PALB2: variants seen among roughly 807,000 people sequenced by gnomAD.
The protein encoded by PALB2 is partner and localizer of BRCA2.
Under a neutral mutation model 107.4 loss-of-function variants are expected in PALB2, and 82 were observed. That is an observed-to-expected ratio of 0.76 (90% confidence interval 0.64 to 0.92). The LOEUF is 0.92. Ranked by LOEUF, PALB2 falls within the 40% of genes least tolerant of loss-of-function variation. PALB2 has a pLI of 0.00. For missense variants in PALB2, 1,374 were observed against 1,379.9 expected (o/e 1.00, Z 0.07); for synonymous variants, 489 against 496.8 (o/e 0.98, Z 0.21).
chr16:23,607,468 T>TA (rs1300986817), intron 12 of PALB2: 9 of 259,090 alleles, frequency 3.5e-5, no homozygotes, highest in African/African-American at 1.3e-4. Flanking sequence ...TATATATATA[T>TA]TTTTTTTGGT....
At chr16:23,626,691 G>A (rs373891008) in intron 6 of PALB2, among the ~76,000 whole-genome samples, 168 of 151,970 alleles carry the variant, frequency 1.1e-3, no homozygotes, top group Non-Finnish European at 1.6e-3. Flanking sequence ...GTGCAATCTC[G>A]GCTTACTGCA....
rs1567217583 is a variant in PALB2, at chr16:23,629,822, T to C, written c.2332A>G (p.Ser778Gly). The change falls in exon 5 of 13, where the codon AGT becomes GGT. Residue 778 changes from serine to glycine, a missense_variant. Transcript: ENST00000261584. ...CLASDTKQFD[S>G]SGSPAKPHTT... is the part of the protein sequence containing the mutation. Reference sequence around the variant, plus strand: ...TGTGGTTTTGCTGGGCTGCCTGAACTGTCGAATTGTTTAGTATCACTGGCA... The same window carrying C: ...TGTGGTTTTGCTGGGCTGCCTGAACCGTCGAATTGTTTAGTATCACTGGCA... 1 of 1,614,222 alleles carries C rather than the reference T, an allele frequency of 6.2e-7. No homozygotes were observed. The highest frequency in any genetic ancestry group is 8.5e-7 in the Non-Finnish European group (1 of 1,180,042).
intron 9 of PALB2, among the ~76,000 whole-genome samples, chr16:23,622,596 A>C (rs1966791671): frequency 6.6e-6 from 1 of 152,282 alleles, no homozygotes; most frequent in African/African-American, 2.4e-5. Context: ...GGGCCCTGCT[A>C]TGTGGCCCCA....
chr16:23,614,145 C>T, intron 10 of PALB2, 54 bp from the exon 11 acceptor site: 1 of 1,306,074 alleles, frequency 7.7e-7, no homozygotes, highest in Non-Finnish European at 1.1e-6. Flanking sequence ...AACCAGTTTT[C>T]AGAAAATATT....
rs769240800 is a variant in PALB2, at chr16:23,638,116, A to C, written c.62T>G (p.Leu21Ter). ...CEEKEKLKEK[L>*]AFLKREYSKT... ...GCTGTATTCCCTTTTCAAGAATGCT[A>C]ATTTCTCCTTTAACTGGAAGAAGAA... The change falls in exon 2 of 13, where the codon TTA becomes TGA. Residue 21 changes from leucine (L) to a stop codon, truncating the protein, a stop_gained. Coordinates refer to ENST00000261584, the MANE Select transcript of PALB2 (RefSeq NM_024675.4). LOFTEE classifies it high-confidence loss of function. 2 of 1,613,928 alleles carry C rather than the reference A, an allele frequency of 1.2e-6. No individual in the cohort carries two copies. The highest frequency in any genetic ancestry group is 3.3e-5 in the Admixed American group (2 of 60,014).
intron 11 of PALB2, among the ~76,000 whole-genome samples, chr16:23,609,971 C>A (rs913083046): frequency 2.0e-5 from 3 of 152,152 alleles, no homozygotes; most frequent in Non-Finnish European, 4.4e-5. Flanking sequence ...AGCCACCATG[C>A]CTGGCCCCAG....
chr16:23,633,411 GAC>G (rs1567219968), intron 4 of PALB2, among the ~76,000 whole-genome samples: 1 of 152,216 alleles, frequency 6.6e-6, no homozygotes, highest in Admixed American at 6.5e-5. Flanking sequence ...AGTTGAGACA[GAC>G]AGAACACAAA....
rs749443090 is a variant in PALB2, at chr16:23,637,855, T to G, written c.206A>C (p.His69Pro). Residue 69 changes from histidine to proline, a missense_variant, in exon 3 of 13, where the codon CAC (histidine) becomes CCC (proline). His to Pro is a moderately conservative substitution (Grantham distance 77). Transcript: ENST00000261584. ...SQQDLSPQLKHSEPKNKICVY... is the reference protein window; with the variant it reads ...SQQDLSPQLKPSEPKNKICVY... ...AGTGAATGGTCTAGATTTACCTGAG[T>G]GTTTTAGCTGCGGTGAGAGATCCTG... The G allele has an allele frequency of 2.5e-6, 4 of 1,608,952 alleles. No homozygotes were observed. Among genetic ancestry groups the G allele is most frequent in the Non-Finnish European group, 2.6e-6 (3 of 1,175,324 alleles).
chr16:23,635,908 A>T lies in PALB2; in HGVS notation c.638T>A (p.Val213Asp), dbSNP rs1967032445. The T allele has an allele frequency of 6.2e-7, 1 of 1,614,100 alleles. No homozygotes were observed. Among genetic ancestry groups the T allele is most frequent in the Non-Finnish European group, 8.5e-7 (1 of 1,180,010 alleles). The change falls in exon 4 of 13, where the codon GTT (valine) becomes GAT (aspartate). Residue 213 changes from valine (V) to aspartate (D), a missense_variant. By Grantham distance (152) the Val-to-Asp change is radical (BLOSUM62 -3). Coordinates refer to ENST00000261584, the MANE Select transcript of PALB2 (RefSeq NM_024675.4). ...TACACTGTCTTCATTAATTTCTGTAACTGGTTCTGGAGAATCTGGAAGTTC... is the reference window on the plus strand; with the variant it reads ...TACACTGTCTTCATTAATTTCTGTATCTGGTTCTGGAGAATCTGGAAGTTC... ...KSELPDSPEP[V>D]TEINEDSVLI...
At chr16:23,617,110 C>G (rs773774680) in intron 10 of PALB2, among the ~76,000 whole-genome samples, 1 of 152,038 alleles carries the variant, frequency 6.6e-6, no homozygotes, top group Non-Finnish European at 1.5e-5. Context: ...CCACCGTGCC[C>G]GGCCAAGCTT....
chr16:23,605,549 C>T (rs183468078), intron 12 of PALB2, among the ~76,000 whole-genome samples: 5 of 152,280 alleles, frequency 3.3e-5, no homozygotes, highest in East Asian at 3.9e-4. Context: ...GCTGGGATTA[C>T]TGGTGCACAC....
chr16:23,612,652 G>A (rs753187308), intron 11 of PALB2, among the ~76,000 whole-genome samples: 44 of 151,058 alleles, frequency 2.9e-4, no homozygotes, highest in Non-Finnish European at 4.4e-4. Context: ...TCAGCCTCCT[G>A]AGTAGCTGGG....
rs370318597 is a variant in PALB2 at position 23,634,887 on chromosome 16, G to A, written c.1659C>T (p.His553=). Residue 553 remains histidine, a synonymous_variant, in exon 4 of 13, where the codon CAC becomes CAT. Transcript: ENST00000261584. The part of the protein sequence containing the change: ...KEEVTSHKYQ[H]EKLFIQVKGK... ...CTTTCACTTGAATAAATAATTTTTC[G>A]TGCTGATATTTGTGTGAGGTGACTT... 3.1e-6 allele frequency: 5 copies of A among 1,613,772 alleles called. No individual in the cohort carries two copies. Among genetic ancestry groups the A allele is most frequent in the Admixed American group, 1.7e-5 (1 of 59,998 alleles).
rs1156931572 is a variant in PALB2 at position 23,635,604 on chromosome 16, T to C, written c.942A>G (p.Gln314=). 5.0e-6 allele frequency: 8 copies of C among 1,613,666 alleles called. No individual in the cohort carries two copies. The highest frequency in any genetic ancestry group is 8.5e-7 in the Non-Finnish European group (1 of 1,179,754). Residue 314 remains glutamine (Q), a synonymous_variant, in exon 4 of 13, where the codon CAA becomes CAG. Transcript: ENST00000261584. ...CCTCTAAATTAGAACTTGTGGGCAG[T>C]TGGCCACTTTTACTTATAGCTTTAT... ...LVNKAISKSG[Q]LPTSSNLEAN... is the part of the protein sequence containing the mutation.
chr16:23,603,388 A>C lies in PALB2; in HGVS notation c.*71T>G, dbSNP rs1315264086. 7.9e-7 allele frequency: 1 copy of C among 1,262,328 alleles called. No individual in the cohort carries two copies. The highest frequency in any genetic ancestry group is 2.3e-5 in the East Asian group (1 of 43,276). The allele number at this position is 1,262,328 out of a possible 1,614,324, so 78.2% of individuals were successfully genotyped here. On this transcript the variant is annotated 3_prime_UTR_variant, in exon 13 of 13. Coordinates refer to ENST00000261584, the MANE Select transcript of PALB2 (RefSeq NM_024675.4). Reference sequence around the variant, plus strand: ...AAGTGTCATTCAGATATTCTCCTTTATATTTAAAACTCCAAAAAATACTAA... The same window carrying C: ...AAGTGTCATTCAGATATTCTCCTTTCTATTTAAAACTCCAAAAAATACTAA...
At chr16:23,630,522 A>T in intron 4 of PALB2, 53 bp from the exon 5 acceptor site, 8 of 1,351,190 alleles carry the variant, frequency 5.9e-6, no homozygotes, top group Non-Finnish European at 8.3e-6. Flanking sequence ...CAAAACAGAC[A>T]ATCTGTTTCA....
At chr16:23,631,026 G>A (rs1317033169) in intron 4 of PALB2, among the ~76,000 whole-genome samples, 8 of 151,168 alleles carry the variant, frequency 5.3e-5, no homozygotes. Context: ...CACTTTCAGA[G>A]GCTGAGGCAG....
chr16:23,630,875 C>T (rs1294136049), intron 4 of PALB2, among the ~76,000 whole-genome samples: 1 of 151,754 alleles, frequency 6.6e-6, no homozygotes, highest in Non-Finnish European at 1.5e-5. Context: ...TTTCAGAGGT[C>T]AAGGTAAGAG....
rs779279139 is a variant in PALB2, at chr16:23,626,378, G to C, written c.2606C>G (p.Ser869Cys). The C allele has an allele frequency of 1.8e-5, 29 of 1,614,168 alleles. No individual in the cohort carries two copies. Among genetic ancestry groups the C allele is most frequent in the Non-Finnish European group, 2.4e-5 (28 of 1,180,042 alleles). Reference sequence around the variant, plus strand: ...CCAAAACATGGCACTCACATCTACGGAACAGGAACCTGAAGGATTCTGACA... The same window carrying C: ...CCAAAACATGGCACTCACATCTACGCAACAGGAACCTGAAGGATTCTGACA... The part of the protein sequence containing the change: ...SELKNPSGSC[S>C]VDVSAMFWER... The change falls in exon 7 of 13, where the codon TCC becomes TGC. Residue 869 changes from serine to cysteine, a missense_variant. Ser to Cys is a moderately radical substitution (Grantham distance 112). Transcript: ENST00000261584.
Sources: allele counts gnomAD v4.1 joint callset (sites outside exome capture counted in the v4.1 genomes callset), GRCh38; gene constraint gnomAD v4.1.1; transcripts MANE v1.5; gene names NCBI Gene and HGNC (gene_info 2026-07-23, HGNC 2026-07-21).